GALNT13: variants seen among roughly 807,000 people sequenced by gnomAD.
GALNT13 encodes UDP-GalNAc:polypeptide N-acetylgalactosaminyltransferase 13.
A neutral mutation model predicts 64.2 loss-of-function variants in GALNT13; 28 were observed. That is an observed-to-expected ratio of 0.44 (90% CI 0.32 to 0.60). The LOEUF (loss-of-function observed/expected upper bound fraction) is 0.60. GALNT13 is among the 20% of genes least tolerant of loss of function. The pLI is 0.05. For synonymous variants in GALNT13, 214 were observed against 224.6 expected, an observed-to-expected ratio of 0.95 and a Z score of 0.42; for missense variants, 577 against 669.8, an observed-to-expected ratio of 0.86 and a Z score of 1.53.
chr2:153,239,975 T>C, the GALNT13 span, among the ~76,000 whole-genome samples: 2 of 152,178 alleles, frequency 1.3e-5, no homozygotes, highest in African/African-American at 4.8e-5. Context: ...GGAGACTTTG[T>C]GTTACAGCGC....
At chr2:153,867,649 T>G (rs1257981452), upstream of GALNT13, among the ~76,000 whole-genome samples, 1 of 151,942 alleles carries the variant, frequency 6.6e-6, no homozygotes, top group African/African-American at 2.4e-5. Context: ...ATGAAATAAT[T>G]ATCTAACTCA....
chr2:154,289,040 A>G (rs903379447), intron 8 of GALNT13, among the ~76,000 whole-genome samples: 1 of 152,174 alleles, frequency 6.6e-6, no homozygotes, highest in Non-Finnish European at 1.5e-5. Context: ...GCATACCTCT[A>G]TCTGGACATT....
the GALNT13 span, among the ~76,000 whole-genome samples, chr2:153,727,423 A>G: frequency 1.3e-5 from 2 of 152,118 alleles, no homozygotes; most frequent in African/African-American, 4.8e-5. Flanking sequence ...ATTCTTTTCT[A>G]TAATAAATAG....
At chr2:154,066,905 G>T (rs946033509) in intron 3 of GALNT13, among the ~76,000 whole-genome samples, 6 of 151,882 alleles carry the variant, frequency 4.0e-5, no homozygotes, top group African/African-American at 1.5e-4. Context: ...AAATAAATCG[G>T]TCAAAAGTAA....
chr2:153,636,804 AAGAAATTATTAC>A, the GALNT13 span, among the ~76,000 whole-genome samples: 1 of 152,164 alleles, frequency 6.6e-6, no homozygotes, highest in African/African-American at 2.4e-5. Flanking sequence ...AGAAGACTTA[AAGAAATTATTAC>A]AGTAAGAAAG....
At chr2:153,080,384 T>C in the GALNT13 span, among the ~76,000 whole-genome samples, 1 of 152,136 alleles carries the variant, frequency 6.6e-6, no homozygotes, top group Non-Finnish European at 1.5e-5. Flanking sequence ...TTCATTGATT[T>C]TATTATAAAG....
the GALNT13 span, among the ~76,000 whole-genome samples, chr2:153,181,222 A>G: frequency 8.7e-6 from 1 of 115,118 alleles, no homozygotes; most frequent in African/African-American, 2.8e-5. Context: ...ATTTGTCTCA[A>G]GATATTTTTA....
intron 3 of GALNT13, among the ~76,000 whole-genome samples, chr2:153,950,966 C>T (rs555512577): frequency 1.3e-5 from 2 of 151,834 alleles, no homozygotes; most frequent in East Asian, 1.9e-4. Context: ...AGATTATATA[C>T]AGTATAATAC....
intron 3 of GALNT13, among the ~76,000 whole-genome samples, chr2:154,035,229 C>T (rs1165706586): frequency 3.3e-5 from 5 of 151,876 alleles, no homozygotes; most frequent in Non-Finnish European, 7.4e-5. Flanking sequence ...ATGGTATGTG[C>T]GTTTGTATGT....
At chr2:153,437,418 C>T in the GALNT13 span, among the ~76,000 whole-genome samples, 437 of 152,236 alleles carry the variant, frequency 2.9e-3, 18 homozygotes, top group East Asian at 0.072. Context: ...CTAATGTTGA[C>T]AGTGGGGTGT....
chr2:153,867,578 A>T (rs1336978907), upstream of GALNT13, among the ~76,000 whole-genome samples: 1 of 152,074 alleles, frequency 6.6e-6, no homozygotes, highest in Non-Finnish European at 1.5e-5. Context: ...TTTCAGGATG[A>T]TTTAAGCACA....
At chr2:153,556,555 A>G in the GALNT13 span, among the ~76,000 whole-genome samples, 1 of 152,304 alleles carries the variant, frequency 6.6e-6, no homozygotes, top group African/African-American at 2.4e-5. Flanking sequence ...TTGCTACCCA[A>G]AGGTACAACA....
chr2:154,162,746 G>A (rs1573783187), intron 4 of GALNT13, among the ~76,000 whole-genome samples: 2 of 152,078 alleles, frequency 1.3e-5, no homozygotes, highest in South Asian at 4.1e-4. Flanking sequence ...AAAAATATTT[G>A]TTGGCAGAAT....
chr2:153,116,794 CT>C, the GALNT13 span, among the ~76,000 whole-genome samples: 68 of 82,460 alleles, frequency 8.2e-4, no homozygotes, highest in East Asian at 2.5e-3. Flanking sequence ...GTGTTGTCTT[CT>C]TTTTTTTTTT....
the GALNT13 span, chr2:153,477,191 TG>T: frequency 6.6e-6 from 1 of 152,262 alleles, no homozygotes; most frequent in Non-Finnish European, 1.5e-5. Flanking sequence ...CCTCTCCGTC[TG>T]GCCCCACCCT....
At chr2:153,281,822 G>A in the GALNT13 span, among the ~76,000 whole-genome samples, 1 of 141,772 alleles carries the variant, frequency 7.1e-6, no homozygotes, top group African/African-American at 2.9e-5. Flanking sequence ...TGCTTTTAAG[G>A]CTTTTTTTTT....
the GALNT13 span, among the ~76,000 whole-genome samples, chr2:153,267,903 A>C: frequency 1.5e-4 from 23 of 152,254 alleles, no homozygotes; most frequent in East Asian, 4.3e-3. Flanking sequence ...CTCTCACTAG[A>C]ACAGCATGTG....
chr2:153,522,272 G>A, the GALNT13 span, among the ~76,000 whole-genome samples: 3 of 151,968 alleles, frequency 2.0e-5, no homozygotes, highest in South Asian at 2.1e-4. Flanking sequence ...GGTGGAGGTC[G>A]CAGTGAGCCC....
At chr2:153,804,993 G>A in the GALNT13 span, among the ~76,000 whole-genome samples, 7 of 151,976 alleles carry the variant, frequency 4.6e-5, no homozygotes, top group East Asian at 1.4e-3. Context: ...AGAAATTAAA[G>A]TAGTCTAAAT....
Sources: allele counts gnomAD v4.1 joint callset (sites outside exome capture counted in the v4.1 genomes callset), GRCh38; gene constraint gnomAD v4.1.1; transcripts MANE v1.5; gene names NCBI Gene and HGNC (gene_info 2026-07-23, HGNC 2026-07-21).